FAM53B: variants seen among roughly 807,000 people sequenced by gnomAD.
The protein encoded by FAM53B is family with sequence similarity 53 member B.
FAM53B carries 12 observed loss-of-function variants against 32.7 expected under a neutral mutation model. The ratio of observed to expected loss-of-function variants is 0.37; its 90% CI spans 0.24 to 0.59. FAM53B has a LOEUF of 0.59. Ranked by LOEUF, FAM53B falls within the 20% of genes least tolerant of loss-of-function variation. The pLI is 0.72. For missense variants in FAM53B, 477 were observed against 577.7 expected (o/e 0.83, Z 1.79); for synonymous variants, 234 against 228.7 (o/e 1.02, Z -0.21).
chr10:124,670,811 C>T (rs1363638557), intron 4 of FAM53B, among the ~76,000 whole-genome samples: 1 of 152,230 alleles, frequency 6.6e-6, no homozygotes, highest in African/African-American at 2.4e-5. Context: ...ATCCAAACCA[C>T]GCTGGCCTGC....
intron 4 of FAM53B, among the ~76,000 whole-genome samples, chr10:124,627,899 G>A (rs1224904230): frequency 7.2e-6 from 1 of 139,308 alleles, no homozygotes; most frequent in African/African-American, 2.5e-5. Flanking sequence ...ACTTTCTCCT[G>A]AGTCCACGGG....
At chr10:124,680,303 C>T (rs1336870151) in intron 4 of FAM53B, among the ~76,000 whole-genome samples, 1 of 152,216 alleles carries the variant, frequency 6.6e-6, no homozygotes, top group Non-Finnish European at 1.5e-5. Flanking sequence ...AGCATACCAC[C>T]ATCTTGCCCT....
chr10:124,681,795 C>G lies in FAM53B; in HGVS notation c.718G>C (p.Glu240Gln), dbSNP rs1321569681. The G allele has an allele frequency of 6.2e-7, 1 of 1,609,764 alleles. No homozygotes were observed. The highest frequency in any genetic ancestry group is 8.5e-7 in the Non-Finnish European group (1 of 1,178,118). The change falls in exon 4 of 5, where the codon GAA (glutamate) becomes CAA (glutamine). Residue 240 changes from glutamate to glutamine, a missense_variant. Around this residue, in one of 2 missense-constraint regions of FAM53B, gnomAD observed 312 missense variants for 420.2 expected, o/e 0.74. Transcript: ENST00000337318. ...SCSHEQFSFV[E>Q]YCPPSANSTP... Reference sequence around the variant, plus strand: ...CTGTTGGCTGAGGGAGGACAGTATTCCACAAAGGAAAACTGCTCATGTGAG... The same window carrying G: ...CTGTTGGCTGAGGGAGGACAGTATTGCACAAAGGAAAACTGCTCATGTGAG...
intron 1 of FAM53B, among the ~76,000 whole-genome samples, chr10:124,716,420 T>C (rs984475576): frequency 3.3e-5 from 5 of 152,226 alleles, no homozygotes; most frequent in African/African-American, 9.6e-5. Flanking sequence ...TCTGTTCTCC[T>C]GGACTTTTCA....
In FAM53B at chr10:124,674,572, G is replaced by A. The variant is rs533353676; in HGVS notation, c.906+7035C>T. ...TCTCCCACCAGCCCTCTGTCTCCTC[G>A]TCTCAGCCCACGCTCCCTGCTTCTC... On this transcript the variant is annotated intron_variant, in intron 4 of 4. Coordinates refer to ENST00000337318, the MANE Select transcript of FAM53B (RefSeq NM_014661.4). Among the ~76,000 whole-genome samples the A allele has an allele frequency of 9.5e-4, 144 of 152,300 alleles. 1 individual carries two copies. Among genetic ancestry groups the A allele is most frequent in the Admixed American group, 1.8e-3 (27 of 15,310 alleles).
intron 4 of FAM53B, among the ~76,000 whole-genome samples, chr10:124,634,561 G>A (rs966405120): frequency 4.6e-5 from 7 of 152,216 alleles, no homozygotes; most frequent in Admixed American, 6.5e-5. Context: ...CTCACCTGCC[G>A]CCATGTGAAG....
intron 1 of FAM53B, chr10:124,707,913 C>G (rs753408146): frequency 7.2e-5 from 11 of 152,250 alleles, no homozygotes; most frequent in Non-Finnish European, 1.6e-4. Flanking sequence ...TCTGCACAGC[C>G]TATCCGCAGC....
intron 4 of FAM53B, among the ~76,000 whole-genome samples, chr10:124,624,948 G>T (rs1949336672): frequency 6.6e-6 from 1 of 152,192 alleles, no homozygotes; most frequent in Non-Finnish European, 1.5e-5. Context: ...CAGAGGGCAG[G>T]GGGGAATTCC....
At chr10:124,737,255 G>A (rs1028715988) in intron 1 of FAM53B, among the ~76,000 whole-genome samples, 4 of 152,168 alleles carry the variant, frequency 2.6e-5, no homozygotes, top group African/African-American at 9.7e-5. Flanking sequence ...CCCACAGGGG[G>A]AAGAGCCCTT....
intron 2 of FAM53B, among the ~76,000 whole-genome samples, chr10:124,699,247 G>A (rs1949896770): frequency 1.3e-5 from 2 of 152,338 alleles, no homozygotes; most frequent in Middle Eastern, 3.4e-3. Flanking sequence ...GCTGACAGCA[G>A]GCACCATGGC....
At chr10:124,739,411 A>G (rs1399087241) in intron 1 of FAM53B, among the ~76,000 whole-genome samples, 1 of 152,246 alleles carries the variant, frequency 6.6e-6, no homozygotes, top group African/African-American at 2.4e-5. Context: ...TGCTGCCATT[A>G]TTCTTTGAAC....
chr10:124,711,911 A>C (rs1950006678), intron 1 of FAM53B, among the ~76,000 whole-genome samples: 1 of 152,110 alleles, frequency 6.6e-6, no homozygotes, highest in East Asian at 1.9e-4. Flanking sequence ...CTAAAAAAAA[A>C]AAATAGCCAG....
At chr10:124,730,320 T>C (rs949027830) in intron 1 of FAM53B, among the ~76,000 whole-genome samples, 5 of 152,080 alleles carry the variant, frequency 3.3e-5, no homozygotes, top group East Asian at 3.9e-4. Flanking sequence ...CATGGCAGAG[T>C]TGATGAGGCC....
At chr10:124,647,718 G>T (rs1949527282) in intron 4 of FAM53B, among the ~76,000 whole-genome samples, 1 of 152,078 alleles carries the variant, frequency 6.6e-6, no homozygotes, top group Non-Finnish European at 1.5e-5. Flanking sequence ...CTCCCTCGGG[G>T]TCACCCCCTC....
intron 4 of FAM53B, among the ~76,000 whole-genome samples, chr10:124,670,820 G>A (rs1277048395): frequency 6.6e-6 from 1 of 152,186 alleles, no homozygotes; most frequent in African/African-American, 2.4e-5. Flanking sequence ...ACGCTGGCCT[G>A]CTGGATTCTC....
intron 3 of FAM53B, among the ~76,000 whole-genome samples, chr10:124,685,769 C>T (rs1949798872): frequency 6.6e-6 from 1 of 152,200 alleles, no homozygotes; most frequent in Non-Finnish European, 1.5e-5. Flanking sequence ...CCATCCCTCC[C>T]ATCTGCCTTC....
At position 124,669,652 on chromosome 10, in the gene FAM53B, A is replaced by G. The variant is rs72842378; in HGVS notation, c.906+11955T>C. Among the ~76,000 whole-genome samples the G allele has an allele frequency of 8.9e-3, 1,349 of 152,344 alleles. 9 individuals are homozygous for G. Among genetic ancestry groups the G allele is most frequent in the Middle Eastern group, 0.017 (5 of 294 alleles). On this transcript the variant is annotated intron_variant, in intron 4 of 4. Transcript: ENST00000337318. The stretch of plus-strand genomic sequence containing the variant: ...TCAGGGAACCCAAAGCCTAGGGCAA[A>G]TCCCAGACTTCCCGGGGCCCTGTGC...
chr10:124,668,859 T>C (rs1231836872), intron 4 of FAM53B, among the ~76,000 whole-genome samples: 2 of 152,272 alleles, frequency 1.3e-5, no homozygotes, highest in East Asian at 1.9e-4. Context: ...TGGGCACTGA[T>C]AGGCCTTTTC....
At chr10:124,674,201 G>A (rs779762628) in intron 4 of FAM53B, among the ~76,000 whole-genome samples, 32 of 152,308 alleles carry the variant, frequency 2.1e-4, no homozygotes, top group Admixed American at 3.3e-4. Context: ...GCAGGGATGC[G>A]GCAGAGCACC....
Sources: allele counts gnomAD v4.1 joint callset (sites outside exome capture counted in the v4.1 genomes callset), GRCh38; gene constraint gnomAD v4.1.1; regional missense constraint gnomAD v4.1.1; transcripts MANE v1.5; gene names NCBI Gene and HGNC (gene_info 2026-07-23, HGNC 2026-07-21).